Variants in CNTLN observed in about 807,000 individuals in gnomAD.
CNTLN encodes centlein.
CNTLN carries 212 observed loss-of-function variants against 180.0 expected under a neutral mutation model. The ratio of observed to expected loss-of-function variants is 1.18; its 90% CI spans 1.05 to 1.32. The LOEUF (loss-of-function observed/expected upper bound fraction) is 1.32. Among genes scored for constraint, CNTLN ranks in the 40% most tolerant of loss-of-function variants. CNTLN has a pLI of 0.00. For missense variants in CNTLN, 2,095 were observed against 1,610.9 expected, an observed-to-expected ratio of 1.30 and a Z score of -5.14; for synonymous variants, 722 against 563.1, an observed-to-expected ratio of 1.28 and a Z score of -3.99.
At chr9:17,312,375 T>A (rs1563984982) in intron 8 of CNTLN, among the ~76,000 whole-genome samples, 3 of 132,898 alleles carry the variant, frequency 2.3e-5, no homozygotes, top group African/African-American at 9.0e-5. Context: ...TATATATATA[T>A]ATATATATAA....
chr9:17,337,239 A>G (rs1440282273), intron 10 of CNTLN, among the ~76,000 whole-genome samples: 1 of 151,546 alleles, frequency 6.6e-6, no homozygotes, highest in Non-Finnish European at 1.5e-5. Context: ...ATTGCAAAAA[A>G]TTTTTTCCAT....
intron 6 of CNTLN, among the ~76,000 whole-genome samples, chr9:17,295,993 AGAGAGTGTGTGTGT>A (rs1397591931): frequency 1.6e-3 from 129 of 81,104 alleles, no homozygotes; most frequent in African/African-American, 3.6e-3. Context: ...AGAGAGAGAG[AGAGAGTGTGTGTGT>A]GTGTGTGTGT....
intron 25 of CNTLN, among the ~76,000 whole-genome samples, chr9:17,495,931 G>C (rs1170654667): frequency 6.6e-6 from 1 of 152,160 alleles, no homozygotes; most frequent in Non-Finnish European, 1.5e-5. Flanking sequence ...TGCAGTAACA[G>C]GTTTCTAGCC....
intron 10 of CNTLN, among the ~76,000 whole-genome samples, chr9:17,337,937 T>C (rs1423362471): frequency 1.3e-5 from 2 of 152,194 alleles, no homozygotes; most frequent in Admixed American, 6.5e-5. Flanking sequence ...TTATATATAA[T>C]AATTTTTAAG....
intron 2 of CNTLN, among the ~76,000 whole-genome samples, chr9:17,207,645 T>C (rs946427920): frequency 1.2e-4 from 19 of 152,070 alleles, no homozygotes; most frequent in Admixed American, 7.2e-4. Flanking sequence ...CCACCCTGCT[T>C]CTGCTCACCC....
intron 18 of CNTLN, among the ~76,000 whole-genome samples, chr9:17,449,446 G>C (rs1437507244): frequency 6.6e-6 from 1 of 151,764 alleles, no homozygotes; most frequent in Non-Finnish European, 1.5e-5. Context: ...GTATACATAT[G>C]TAACTAACCT....
intron 2 of CNTLN, among the ~76,000 whole-genome samples, chr9:17,153,939 TC>T (rs1048133466): frequency 3.1e-4 from 47 of 152,310 alleles, no homozygotes; most frequent in African/African-American, 1.1e-3. Flanking sequence ...TTCCGCTTGA[TC>T]GATTCGGCTA....
chr9:17,265,892 T>A (rs1205477043), intron 5 of CNTLN, among the ~76,000 whole-genome samples: 1 of 152,116 alleles, frequency 6.6e-6, no homozygotes, highest in Non-Finnish European at 1.5e-5. Context: ...ATATCCCCTT[T>A]ATCATTTTTT....
chr9:17,502,744 C>A lies in CNTLN; in HGVS notation c.*92C>A. ...TTGCAATCCTGACACGGTATCTGCT[C>A]CAACTATCAATAGTCAGGTTCAATA... On this transcript the variant is annotated 3_prime_UTR_variant, in exon 26 of 26. Coordinates refer to ENST00000380647, the MANE Select transcript of CNTLN (RefSeq NM_017738.4). 1 of 475,670 alleles carries A rather than the reference C, an allele frequency of 2.1e-6. No individual in the cohort carries two copies. Among genetic ancestry groups the A allele is most frequent in the South Asian group, 3.8e-5 (1 of 26,052 alleles). 29.5% of individuals were successfully genotyped at this position (475,670 alleles called of 1,614,324 possible).
In CNTLN at chr9:17,312,364, T is replaced by TATATTATATA. The variant is rs369729227; in HGVS notation, c.1341+3112_1341+3113insATATTATATA. On this transcript the variant is annotated intron_variant, in intron 8 of 25. Coordinates refer to ENST00000380647, the MANE Select transcript of CNTLN (RefSeq NM_017738.4). ...GTATTTATATATATATATATATATA[T>TATATTATATA]TATATATATATATATATATAATTTA... 2.0e-4 allele frequency among the ~76,000 whole-genome samples: 4 copies of TATATTATATA among 20,186 alleles called. 1 individual carries two copies. The highest frequency in any genetic ancestry group is 1.6e-3 in the Admixed American group (3 of 1,874). The allele number at this position is 20,186 out of a possible 152,430, so 13.2% of individuals were successfully genotyped here. A position where few individuals can be genotyped will look rare whatever the true frequency, so the allele number is the denominator to read the frequency against.
At chr9:17,527,564 A>G in the CNTLN span, among the ~76,000 whole-genome samples, 1 of 152,214 alleles carries the variant, frequency 6.6e-6, no homozygotes, top group East Asian at 1.9e-4. Context: ...TTACTGGTGG[A>G]GTGGGTACTT....
At chr9:17,312,367 T>TATATATATA (rs1819229302) in intron 8 of CNTLN, among the ~76,000 whole-genome samples, 3 of 10,958 alleles carry the variant, frequency 2.7e-4, no homozygotes, top group Non-Finnish European at 5.6e-4. Flanking sequence ...ATATATATTA[T>TATATATATA]ATATATATAT....
intron 25 of CNTLN, among the ~76,000 whole-genome samples, chr9:17,499,086 C>T (rs1833608870): frequency 6.6e-6 from 1 of 152,094 alleles, no homozygotes; most frequent in African/African-American, 2.4e-5. Flanking sequence ...AAACATTTTG[C>T]ACTCAAAAAA....
chr9:17,293,546 T>G (rs935438359), intron 6 of CNTLN, among the ~76,000 whole-genome samples: 2 of 152,206 alleles, frequency 1.3e-5, no homozygotes, highest in Non-Finnish European at 2.9e-5. Flanking sequence ...AGAGGCAGTC[T>G]GGCCATGATC....
intron 7 of CNTLN, chr9:17,299,446 C>T (rs1045589794): frequency 6.1e-6 from 6 of 977,032 alleles, no homozygotes; most frequent in Non-Finnish European, 7.3e-6. Context: ...TACTTCTGAT[C>T]TTACTTTTCT....
intron 2 of CNTLN, among the ~76,000 whole-genome samples, chr9:17,158,875 A>T (rs1819482738): frequency 6.6e-6 from 1 of 151,242 alleles, no homozygotes; most frequent in Non-Finnish European, 1.5e-5. Context: ...TAATTTCTCC[A>T]CTAATTTTTA....
At chr9:17,176,694 A>C (rs1170829641) in intron 2 of CNTLN, among the ~76,000 whole-genome samples, 1 of 152,166 alleles carries the variant, frequency 6.6e-6, no homozygotes, top group African/African-American at 2.4e-5. Flanking sequence ...GGAATTCTTT[A>C]GTAAATTATC....
intron 21 of CNTLN, 136 bp downstream of exon 21, chr9:17,464,759 C>T (rs755786448): frequency 2.0e-6 from 1 of 493,508 alleles, no homozygotes; most frequent in African/African-American, 2.0e-5. Context: ...AAGTAACACT[C>T]TTTGCTCTGA....
At chr9:17,350,765 A>G (rs753963603) in intron 12 of CNTLN, among the ~76,000 whole-genome samples, 1 of 152,138 alleles carries the variant, frequency 6.6e-6, no homozygotes, top group Non-Finnish European at 1.5e-5. Context: ...CACTCAGTCC[A>G]TCATGAGGAC....
Sources: allele counts gnomAD v4.1 joint callset (sites outside exome capture counted in the v4.1 genomes callset), GRCh38; gene constraint gnomAD v4.1.1; transcripts MANE v1.5; gene names NCBI Gene and HGNC (gene_info 2026-07-23, HGNC 2026-07-21).